Variants in FCHSD2 observed in about 807,000 individuals in gnomAD.
FCHSD2 encodes the protein FCH and double SH3 domains 2, also known as F-BAR and double SH3 domains protein 2.
A neutral mutation model predicts 108.1 loss-of-function variants in FCHSD2; 38 were observed. The ratio of observed to expected loss-of-function variants is 0.35; its 90% CI spans 0.27 to 0.46. The LOEUF (loss-of-function observed/expected upper bound fraction) is 0.46. Ranked by LOEUF, FCHSD2 falls within the 20% of genes least tolerant of loss-of-function variation. The probability of loss-of-function intolerance (pLI) is 1.00; values close to 1 mark genes in which losing one functional copy is unlikely to be tolerated. For synonymous variants in FCHSD2, 279 were observed against 314.7 expected, an observed-to-expected ratio of 0.89 and a Z score of 1.20; for missense variants, 751 against 897.8, an observed-to-expected ratio of 0.84 and a Z score of 2.09.
intron 8 of FCHSD2, among the ~76,000 whole-genome samples, chr11:72,949,249 A>T (rs1377489242): frequency 6.6e-6 from 1 of 152,016 alleles, no homozygotes; most frequent in Admixed American, 6.5e-5. Context: ...CAGGAGTTCA[A>T]GGCCAGCCTG....
chr11:73,023,583 G>A (rs1184197453), intron 3 of FCHSD2, among the ~76,000 whole-genome samples: 1 of 152,134 alleles, frequency 6.6e-6, no homozygotes. Flanking sequence ...CAACGGTGGT[G>A]GGAATGCAAA....
intron 8 of FCHSD2, among the ~76,000 whole-genome samples, chr11:72,943,696 ACT>A (rs1045116711): frequency 2.6e-5 from 4 of 152,208 alleles, no homozygotes; most frequent in African/African-American, 9.7e-5. Context: ...TGTTTTGTTC[ACT>A]GAGGCACTCA....
chr11:72,932,927 G>C (rs1392867390), intron 8 of FCHSD2, among the ~76,000 whole-genome samples: 1 of 152,100 alleles, frequency 6.6e-6, no homozygotes, highest in Non-Finnish European at 1.5e-5. Flanking sequence ...CCATGACTGA[G>C]AAATCTAATG....
rs1469097575 is a variant in FCHSD2 at position 73,131,398 on chromosome 11, G to A, written c.119+8633C>T. ...AAAAAAATTAGCCAGGCATGGTGGC[G>A]GGCACCTGTAGTCCCACCTACTCAG... On this transcript the variant is annotated intron_variant, in intron 2 of 19. Transcript: ENST00000409418. 1.8e-4 allele frequency among the ~76,000 whole-genome samples: 27 copies of A among 150,934 alleles called. No individual in the cohort carries two copies. The East Asian group carries it at 1.9e-3, about 11-fold the overall frequency.
rs945817201 is a variant in FCHSD2, at chr11:73,069,504, A to T, written c.165+14191T>A. Among the ~76,000 whole-genome samples the T allele has an allele frequency of 4.6e-5, 7 of 152,072 alleles. No homozygotes were observed. The East Asian group carries it at 1.3e-3, about 29-fold the overall frequency. ...AACCAAAAATCCTAGAAAGAATATG[A>T]TCACTAACAAAGCAATGGATAAGAT... On this transcript the variant is annotated intron_variant, in intron 3 of 19. Coordinates refer to ENST00000409418, the MANE Select transcript of FCHSD2 (RefSeq NM_014824.3).
intron 9 of FCHSD2, among the ~76,000 whole-genome samples, chr11:72,921,607 C>A (rs1270219142): frequency 6.6e-6 from 1 of 152,212 alleles, no homozygotes; most frequent in Non-Finnish European, 1.5e-5. Context: ...TTCTAAGCTA[C>A]CTTGTATCAG....
intron 5 of FCHSD2, 73 bp from the exon 6 acceptor site, chr11:72,989,170 C>CT: frequency 8.5e-7 from 1 of 1,172,918 alleles, no homozygotes; most frequent in Non-Finnish European, 1.2e-6. Context: ...ATCCTAAGGA[C>CT]TATACACTAT....
In FCHSD2 at chr11:72,880,401, A is replaced by G. The variant is rs558969458; in HGVS notation, c.1146+7069T>C. ...AACAGCATGGTATTGTCACAAATACAGACACACAGACCAATGGAACAGAAC... is the reference window on the plus strand; with the variant it reads ...AACAGCATGGTATTGTCACAAATACGGACACACAGACCAATGGAACAGAAC... On this transcript the variant is annotated intron_variant, in intron 12 of 19. Transcript: ENST00000409418. Among the ~76,000 whole-genome samples, 6 of 152,330 alleles carry G rather than the reference A, an allele frequency of 3.9e-5. No homozygotes were observed. In the East Asian group the frequency reaches 9.6e-4, roughly 24 times the overall value.
intron 2 of FCHSD2, among the ~76,000 whole-genome samples, chr11:73,092,779 G>C (rs1379610432): frequency 2.0e-5 from 3 of 152,124 alleles, no homozygotes; most frequent in Non-Finnish European, 4.4e-5. Flanking sequence ...CAAGCATTTT[G>C]TGTATATCAA....
chr11:72,959,395 A>ATT (rs530090539), intron 8 of FCHSD2, among the ~76,000 whole-genome samples: 51 of 138,066 alleles, frequency 3.7e-4, no homozygotes, highest in East Asian at 3.2e-3. Context: ...ATGCCCGGCT[A>ATT]TTTTTTTTTT....
chr11:73,053,659 T>G (rs899186776), intron 3 of FCHSD2, among the ~76,000 whole-genome samples: 1 of 152,224 alleles, frequency 6.6e-6, no homozygotes, highest in African/African-American at 2.4e-5. Context: ...CATATTAAAA[T>G]TGTTAAATAT....
rs537983805 is a variant in FCHSD2 at position 72,987,087 on chromosome 11, A to T, written c.521+1877T>A. 1.2e-4 allele frequency among the ~76,000 whole-genome samples: 19 copies of T among 152,294 alleles called. No individual in the cohort carries two copies. The East Asian group carries it at 3.5e-3, about 28-fold the overall frequency. ...TTCCCAGGCTCTTCAGAATAAACAT[A>T]TCCAAAATGAAATTCATCATCTCCT... On this transcript the variant is annotated intron_variant, in intron 6 of 19. Transcript: ENST00000409418.
intron 3 of FCHSD2, among the ~76,000 whole-genome samples, chr11:73,060,019 T>C (rs1008666729): frequency 6.6e-6 from 1 of 152,236 alleles, no homozygotes; most frequent in African/African-American, 2.4e-5. Context: ...CTCTAACGTA[T>C]ACCTCCTATC....
At chr11:73,059,080 G>T (rs1207919702) in intron 3 of FCHSD2, among the ~76,000 whole-genome samples, 2 of 152,040 alleles carry the variant, frequency 1.3e-5, no homozygotes, top group Non-Finnish European at 2.9e-5. Flanking sequence ...CAACAAACAT[G>T]GATATAAATG....
intron 19 of FCHSD2, among the ~76,000 whole-genome samples, chr11:72,840,243 C>T (rs1389007145): frequency 6.6e-6 from 1 of 152,192 alleles, no homozygotes; most frequent in Admixed American, 6.5e-5. Context: ...GACTCAAGTC[C>T]TTAAGAAGGC....
intron 3 of FCHSD2, among the ~76,000 whole-genome samples, chr11:73,026,893 T>A (rs1195069008): frequency 6.6e-6 from 1 of 152,170 alleles, no homozygotes; most frequent in African/African-American, 2.4e-5. Flanking sequence ...CATGCCTTGC[T>A]TTCCCTTTGC....
Position 72,838,721 on chromosome 11 carries a change from TAAAA to T in FCHSD2, c.*66_*69del. 3 of 1,364,318 alleles carry T rather than the reference TAAAA, an allele frequency of 2.2e-6. No individual in the cohort carries two copies. Among genetic ancestry groups the T allele is most frequent in the Middle Eastern group, 2.3e-4 (1 of 4,266 alleles). 84.5% of individuals were successfully genotyped at this position (1,364,318 alleles called of 1,614,324 possible). On this transcript the variant is annotated 3_prime_UTR_variant, in exon 20 of 20. Coordinates refer to ENST00000409418, the MANE Select transcript of FCHSD2 (RefSeq NM_014824.3). ...AGAGTCATCATCATGCAAAGGTGCC[TAAAA>T]AACAAGACTGGCCAAACTCCAAGCC...
In FCHSD2 at chr11:72,948,851, G is replaced by C. The variant is rs192020347; in HGVS notation, c.706-26901C>G. Among the ~76,000 whole-genome samples the C allele has an allele frequency of 2.6e-5, 4 of 151,924 alleles. No individual in the cohort carries two copies. In the East Asian group the frequency reaches 7.8e-4, roughly 30 times the overall value. ...TGGCTAATTTTTTATATTTTTAGTA[G>C]AGATGGGGTTTCACCACGTTAGCTA... On this transcript the variant is annotated intron_variant, in intron 8 of 19. Coordinates refer to ENST00000409418, the MANE Select transcript of FCHSD2 (RefSeq NM_014824.3).
chr11:72,941,924 T>C (rs149095791), intron 8 of FCHSD2, among the ~76,000 whole-genome samples: 14 of 152,286 alleles, frequency 9.2e-5, no homozygotes, highest in African/African-American at 3.4e-4. Context: ...AAAAAGTTTA[T>C]AAAAGCATAA....
Sources: gnomAD v4.1 joint callset for allele counts (sites outside exome capture counted in the v4.1 genomes callset) on GRCh38, gnomAD v4.1.1 for gene constraint, MANE v1.5 for transcripts, NCBI Gene and HGNC (gene_info 2026-07-23, HGNC 2026-07-21) for gene names.